Variants in ZNF33A observed in about 807,000 individuals in gnomAD.
ZNF33A encodes the protein zinc finger protein 33A, also known as brain my041 protein.
In ZNF33A, 9 loss-of-function variants were observed where a neutral mutation model predicts 15.9. That is an observed-to-expected ratio of 0.57 (90% CI 0.34 to 0.99). ZNF33A has a LOEUF of 0.99. Among genes scored for constraint, ZNF33A ranks in the 50% least tolerant of loss-of-function variants. The pLI is 0.02. For synonymous variants in ZNF33A, 294 were observed against 324.2 expected (o/e 0.91, Z 1.00); for missense variants, 843 against 941.6 (o/e 0.90, Z 1.37).
upstream of ZNF33A, chr10:38,010,561 T>C (rs2064118233): frequency 3.7e-6 from 3 of 810,080 alleles, no homozygotes; most frequent in East Asian, 2.4e-5. Context: ...TCTCTACCAA[T>C]CCGAAGGGCT....
chr10:38,024,428 C>T (rs1452310281), intron 4 of ZNF33A, among the ~76,000 whole-genome samples: 5 of 152,100 alleles, frequency 3.3e-5, no homozygotes, highest in African/African-American at 1.2e-4. Flanking sequence ...AATGAAGACA[C>T]ATGGTCTCTT....
At chr10:38,049,487 T>C (rs2066100243) in intron 4 of ZNF33A, among the ~76,000 whole-genome samples, 1 of 152,144 alleles carries the variant, frequency 6.6e-6, no homozygotes, top group Non-Finnish European at 1.5e-5. Context: ...ATATCTACCA[T>C]ATGTAAATGC....
At chr10:38,022,338 T>C (rs190917449) in intron 4 of ZNF33A, among the ~76,000 whole-genome samples, 38 of 152,248 alleles carry the variant, frequency 2.5e-4, no homozygotes, top group African/African-American at 8.9e-4. Flanking sequence ...TAAGGGAATC[T>C]TGTCAACAAC....
At chr10:38,042,924 T>C (rs934064173) in intron 4 of ZNF33A, among the ~76,000 whole-genome samples, 3 of 152,220 alleles carry the variant, frequency 2.0e-5, no homozygotes, top group African/African-American at 4.8e-5. Flanking sequence ...CATTGACTTA[T>C]ACATATTTGC....
chr10:38,056,355 C>A lies in ZNF33A; in HGVS notation c.2231C>A (p.Thr744Lys). 6.2e-7 allele frequency: 1 copy of A among 1,614,122 alleles called. No individual in the cohort carries two copies. The highest frequency in any genetic ancestry group is 1.1e-5 in the South Asian group (1 of 91,086). ...SELAQHQRSHTGEKPYECNTC... is the reference protein window; with the variant it reads ...SELAQHQRSHKGEKPYECNTC... ...CTTGCTCAACATCAGAGATCACATA[C>A]AGGGGAAAAGCCCTATGAATGTAAC... The change falls in exon 5 of 5, where the codon ACA (threonine) becomes AAA (lysine). Residue 744 changes from threonine to lysine, a missense_variant. By Grantham distance (78) the Thr-to-Lys change is moderately conservative. Transcript: ENST00000432900.
chr10:38,024,842 C>G (rs2064911462), intron 4 of ZNF33A, among the ~76,000 whole-genome samples: 1 of 152,214 alleles, frequency 6.6e-6, no homozygotes, highest in Admixed American at 6.5e-5. Context: ...TGTCCTGTCC[C>G]AGGACATGAA....
chr10:38,066,869 T>A (rs940699700), downstream of ZNF33A, among the ~76,000 whole-genome samples: 42 of 151,410 alleles, frequency 2.8e-4, no homozygotes, highest in African/African-American at 9.5e-4. Context: ...GAGGTGGAGG[T>A]TGTAGTGAGC....
chr10:38,052,951 T>C (rs904123265), intron 4 of ZNF33A, among the ~76,000 whole-genome samples: 6 of 151,658 alleles, frequency 4.0e-5, no homozygotes, highest in African/African-American at 1.4e-4. Context: ...TTTTTTCTTC[T>C]TTAAGGACTG....
At chr10:38,067,303 T>A (rs2066717256), downstream of ZNF33A, among the ~76,000 whole-genome samples, 1 of 152,200 alleles carries the variant, frequency 6.6e-6, no homozygotes, top group South Asian at 2.1e-4. Context: ...TTGTCTTTTT[T>A]CTTTGACCCC....
rs2472164 is a variant in ZNF33A, at chr10:38,057,554, G to C, written c.*994G>C. On this transcript the variant is annotated 3_prime_UTR_variant, in exon 5 of 5. Transcript: ENST00000432900. ...TATCAGGCCCATCCCAGATGTTTGT[G>C]ATGTCCTGAAACAATTTAAAAGGAG... 77,648 of 984,888 alleles carry C rather than the reference G, an allele frequency of 0.079. 3,255 individuals carry two copies. Among genetic ancestry groups the C allele is most frequent in the Non-Finnish European group, 0.086 (71,579 of 829,508 alleles). 61.0% of individuals were successfully genotyped at this position (984,888 alleles called of 1,614,324 possible). A position where few individuals can be genotyped will look rare whatever the true frequency, so the allele number is the denominator to read the frequency against.
intron 4 of ZNF33A, among the ~76,000 whole-genome samples, chr10:38,046,261 C>T (rs1050873200): frequency 5.3e-5 from 8 of 152,178 alleles, no homozygotes; most frequent in African/African-American, 9.6e-5. Flanking sequence ...AAGTACTAAT[C>T]GGCTCATGTA....
downstream of ZNF33A, among the ~76,000 whole-genome samples, chr10:38,066,267 G>T (rs1564893745): frequency 6.6e-6 from 1 of 151,834 alleles, no homozygotes; most frequent in East Asian, 1.9e-4. Flanking sequence ...AAACAGAAGG[G>T]TTTTTTTATT....
At chr10:38,011,030 G>C (rs1457191130) in intron 1 of ZNF33A, among the ~76,000 whole-genome samples, 3 of 152,196 alleles carry the variant, frequency 2.0e-5, no homozygotes, top group Admixed American at 2.0e-4. Context: ...GAGGGCATGT[G>C]CGCTTGCGCA....
intron 4 of ZNF33A, among the ~76,000 whole-genome samples, chr10:38,047,118 T>G (rs1008102054): frequency 1.0e-4 from 14 of 135,196 alleles, no homozygotes; most frequent in African/African-American, 4.0e-4. Context: ...AGGTGATGTT[T>G]CAGTGAGCCA....
chr10:38,015,619 C>T (rs751360681), intron 2 of ZNF33A, among the ~76,000 whole-genome samples: 1 of 152,172 alleles, frequency 6.6e-6, no homozygotes, highest in Non-Finnish European at 1.5e-5. Flanking sequence ...CCATGCCAAG[C>T]CTATGCTTCA....
chr10:38,016,745 G>A (rs1474260324), intron 2 of ZNF33A, 126 bp from the exon 3 acceptor site: 1 of 1,169,176 alleles, frequency 8.6e-7, no homozygotes, highest in African/African-American at 1.6e-5. Flanking sequence ...ATTAATGGCA[G>A]AATATTTCTG....
intron 4 of ZNF33A, among the ~76,000 whole-genome samples, chr10:38,049,516 A>G (rs11011433): frequency 0.035 from 5,355 of 152,256 alleles, 142 homozygotes; most frequent in Non-Finnish European, 0.055. Context: ...AGTTTCTCCT[A>G]TATGGGATAT....
chr10:38,039,398 G>GTTTTT (rs59435586), intron 4 of ZNF33A: 18,462 of 388,906 alleles, frequency 0.047, 438 homozygotes, highest in Non-Finnish European at 0.068. Context: ...AATTTTTTGT[G>GTTTTT]TTTTTTTTTT....
At chr10:38,046,459 C>T (rs2065950090) in intron 4 of ZNF33A, among the ~76,000 whole-genome samples, 1 of 152,154 alleles carries the variant, frequency 6.6e-6, no homozygotes, top group Non-Finnish European at 1.5e-5. Context: ...AAACTGAGCA[C>T]TGCTCCAGAT....
Sources: allele counts gnomAD v4.1 joint callset (sites outside exome capture counted in the v4.1 genomes callset), GRCh38; gene constraint gnomAD v4.1.1; transcripts MANE v1.5; gene names NCBI Gene and HGNC (gene_info 2026-07-23, HGNC 2026-07-21).